SLC14A1: variants seen among roughly 807,000 people sequenced by gnomAD.
SLC14A1 encodes urea transporter 1.
SLC14A1 carries 36 observed loss-of-function variants against 39.6 expected under a neutral mutation model. The observed-to-expected ratio is 0.91, with a 90% CI of 0.70 to 1.20. The LOEUF (loss-of-function observed/expected upper bound fraction) is 1.20, where lower values mean the gene tolerates loss of function less well. Among genes scored for constraint, SLC14A1 ranks in the 50% most tolerant of loss-of-function variants. The probability of loss-of-function intolerance (pLI) is 0.00; values close to 1 mark genes in which losing one functional copy is unlikely to be tolerated. For missense variants in SLC14A1, 469 were observed against 478.7 expected (o/e 0.98, Z 0.19); for synonymous variants, 164 against 173.6 (o/e 0.94, Z 0.43).
rs574876570 is a variant in SLC14A1 at position 45,750,065 on chromosome 18, C to T, written c.*114C>T. Reference sequence around the variant, plus strand: ...TCACGAGTATCAACTTTCATACTGACGCGTCTGTAATCTGTTCTTATGCTC... The same window carrying T: ...TCACGAGTATCAACTTTCATACTGATGCGTCTGTAATCTGTTCTTATGCTC... On this transcript the variant is annotated 3_prime_UTR_variant, in exon 10 of 10. Transcript: ENST00000321925. 58 of 1,602,844 alleles carry T rather than the reference C, an allele frequency of 3.6e-5. No homozygotes were observed. Among genetic ancestry groups the T allele is most frequent in the Admixed American group, 1.2e-4 (7 of 59,312 alleles).
At chr18:45,725,863 C>A (rs2046850908) in intron 2 of SLC14A1, among the ~76,000 whole-genome samples, 2 of 152,044 alleles carry the variant, frequency 1.3e-5, no homozygotes, top group African/African-American at 2.4e-5. Flanking sequence ...TCTCTTGGTT[C>A]TAGGAAAATA....
At chr18:45,742,366 T>A (rs1456616329) in intron 8 of SLC14A1, among the ~76,000 whole-genome samples, 1 of 147,446 alleles carries the variant, frequency 6.8e-6, no homozygotes, top group Admixed American at 6.7e-5. Context: ...TTTTTTTTTT[T>A]TTTTTTGACA....
Position 45,731,052 on chromosome 18 carries a change from C to T in SLC14A1, c.189C>T (p.Leu63=). 1 of 1,614,184 alleles carries T rather than the reference C, an allele frequency of 6.2e-7. No individual in the cohort carries two copies. Among genetic ancestry groups the T allele is most frequent in the Non-Finnish European group, 8.5e-7 (1 of 1,180,024 alleles). ...PVVLQFIDWI[L]RGISQVVFVN... ...TGCTCCAGTTCATTGACTGGATTCT[C>T]CGGGGCATATCCCAAGTGGTGTTCG... Residue 63 remains leucine (L), a synonymous_variant, in exon 4 of 10, where the codon CTC becomes CTT. Transcript: ENST00000321925.
Position 45,731,010 on chromosome 18 carries a change from T to G in SLC14A1, c.152-5T>G. The G allele has an allele frequency of 6.2e-7, 1 of 1,614,126 alleles. No homozygotes were observed. The highest frequency in any genetic ancestry group is 8.5e-7 in the Non-Finnish European group (1 of 1,179,966). ...CTTAGCTCTGCTTTACCTCATCCCT[T>G]CCAGACAAACCCGTGGTGCTCCAGT... On this transcript the variant is annotated splice_polypyrimidine_tract_variant and splice_region_variant and intron_variant, in intron 3 of 9. Coordinates refer to ENST00000321925, the MANE Select transcript of SLC14A1 (RefSeq NM_015865.7).
intron 4 of SLC14A1, chr18:45,731,665 A>T: frequency 4.5e-6 from 1 of 222,898 alleles, no homozygotes; most frequent in Non-Finnish European, 9.0e-6. Context: ...CCTGGAGAAA[A>T]GAATAACCAT....
At chr18:45,743,069 A>AT (rs764246680) in intron 8 of SLC14A1, among the ~76,000 whole-genome samples, 70 of 152,220 alleles carry the variant, frequency 4.6e-4, no homozygotes, top group Non-Finnish European at 9.0e-4. Flanking sequence ...AATCTTTGAT[A>AT]TTTTCTCAAT....
rs1058396 is a variant in SLC14A1, at chr18:45,739,554, G to A, written c.838G>A (p.Asp280Asn). ...ACTCAGTCTTTCAGCCCCATTTGAG[G>A]ACATCTACTTTGGACTCTGGGGTTT... is the stretch of plus-strand genomic sequence containing the variant. Reference protein sequence around the residue: ...AGLSLSAPFEDIYFGLWGFNS... With the variant: ...AGLSLSAPFENIYFGLWGFNS... The change falls in exon 8 of 10, where the codon GAC (aspartate) becomes AAC (asparagine). Residue 280 changes from aspartate (D) to asparagine (N), a missense_variant. Transcript: ENST00000321925. 756,897 of 1,613,474 alleles carry A rather than the reference G, an allele frequency of 0.47. 180,070 individuals carry two copies. Among genetic ancestry groups the A allele is most frequent in the East Asian group, 0.54 (24,117 of 44,844 alleles).
intron 4 of SLC14A1, among the ~76,000 whole-genome samples, chr18:45,732,362 T>C (rs1057066463): frequency 6.6e-6 from 1 of 152,240 alleles, no homozygotes; most frequent in African/African-American, 2.4e-5. Flanking sequence ...AACTCAAGCA[T>C]TAACATCTCC....
rs1428174675 is a variant in SLC14A1, at chr18:45,750,501, A to G, written c.*550A>G. On this transcript the variant is annotated 3_prime_UTR_variant, in exon 10 of 10. Transcript: ENST00000321925. ...AGAGCTCAGTCCCCACTTCCTGCAAACAATGGCCTGCACCCTATCCCTTGT... is the reference window on the plus strand; with the variant it reads ...AGAGCTCAGTCCCCACTTCCTGCAAGCAATGGCCTGCACCCTATCCCTTGT... 1 of 1,022,296 alleles carries G rather than the reference A, an allele frequency of 9.8e-7. No homozygotes were observed. Among genetic ancestry groups the G allele is most frequent in the African/African-American group, 1.7e-5 (1 of 57,750 alleles). The allele number at this position is 1,022,296 out of a possible 1,614,324, so 63.3% of individuals were successfully genotyped here.
At chr18:45,741,446 C>T (rs185810606) in intron 8 of SLC14A1, among the ~76,000 whole-genome samples, 9 of 152,288 alleles carry the variant, frequency 5.9e-5, no homozygotes, top group Non-Finnish European at 1.3e-4. Context: ...GGTATCTAAA[C>T]AGTTATGAAA....
chr18:45,736,927 G>GT (rs2047215097), intron 6 of SLC14A1, among the ~76,000 whole-genome samples: 2 of 117,898 alleles, frequency 1.7e-5, no homozygotes, highest in African/African-American at 5.6e-5. Flanking sequence ...TCACTCTATC[G>GT]TAAGCTTGGG....
At chr18:45,741,488 T>C (rs1020084857) in intron 8 of SLC14A1, among the ~76,000 whole-genome samples, 2 of 152,334 alleles carry the variant, frequency 1.3e-5, no homozygotes, top group Middle Eastern at 3.4e-3. Flanking sequence ...GGGTTTAGAA[T>C]AGATTTCTGC....
chr18:45,734,522 G>A (rs1415955820), intron 5 of SLC14A1, 120 bp downstream of exon 5: 7 of 1,023,014 alleles, frequency 6.8e-6, no homozygotes, highest in Non-Finnish European at 1.1e-5. Flanking sequence ...TTCTCTGAAT[G>A]TATAGTGGTG....
chr18:45,736,425 T>C (rs759119180), intron 5 of SLC14A1, 31 bp from the exon 6 acceptor site: 10 of 1,610,330 alleles, frequency 6.2e-6, no homozygotes, highest in Non-Finnish European at 8.5e-6. Flanking sequence ...CTTTGTCACA[T>C]GCACATTCTT....
In SLC14A1 at chr18:45,739,650, G is replaced by A; in HGVS notation, c.934G>A (p.Ala312Thr). 6.2e-7 allele frequency: 1 copy of A among 1,614,168 alleles called. No individual in the cohort carries two copies. Among genetic ancestry groups the A allele is most frequent in the South Asian group, 1.1e-5 (1 of 91,084 alleles). The change falls in exon 8 of 10, where the codon GCT (alanine) becomes ACT (threonine). Residue 312 changes from alanine (A) to threonine (T), a missense_variant. Transcript: ENST00000321925. ...GCTCACCTGGCAAACCCACCTCCTGGCTCTTGGCTGTGGTGAGTCTCCCAC... is the reference window on the plus strand; with the variant it reads ...GCTCACCTGGCAAACCCACCTCCTGACTCTTGGCTGTGGTGAGTCTCCCAC... ...MALTWQTHLL[A>T]LGCALFTAYL... is the part of the protein sequence containing the mutation.
At chr18:45,732,235 C>G (rs757609901) in intron 4 of SLC14A1, among the ~76,000 whole-genome samples, 1 of 152,190 alleles carries the variant, frequency 6.6e-6, no homozygotes, top group Non-Finnish European at 1.5e-5. Flanking sequence ...TTTCCTTGGT[C>G]TGAAAAGACT....
At chr18:45,734,135 C>T (rs28994298) in intron 4 of SLC14A1, 139 bp from the exon 5 acceptor site, 55,220 of 1,097,074 alleles carry the variant, frequency 0.05, 1,627 homozygotes, top group Non-Finnish European at 0.06. Flanking sequence ...ACGATGCTTA[C>T]GTAGACTTTG....
chr18:45,749,427 A>G (rs2047648449), intron 9 of SLC14A1, among the ~76,000 whole-genome samples: 1 of 152,124 alleles, frequency 6.6e-6, no homozygotes, highest in Non-Finnish European at 1.5e-5. Context: ...CTAATCAGAG[A>G]AGGCCTTGTG....
chr18:45,751,435 T>G lies in SLC14A1; in HGVS notation c.*1484T>G. 1.0e-6 allele frequency: 1 copy of G among 984,902 alleles called. No homozygotes were observed. Among genetic ancestry groups the G allele is most frequent in the Non-Finnish European group, 1.2e-6 (1 of 829,848 alleles). The allele number at this position is 984,902 out of a possible 1,614,324, so 61.0% of individuals were successfully genotyped here. A position where few individuals can be genotyped will look rare whatever the true frequency, so the allele number is the denominator to read the frequency against. On this transcript the variant is annotated 3_prime_UTR_variant, in exon 10 of 10. Coordinates refer to ENST00000321925, the MANE Select transcript of SLC14A1 (RefSeq NM_015865.7). ...TCCCCTGTTTTCCTCTCTTTAATTTTAAAGTTATCAGTTCCGTAAAGTCTC... is the reference window on the plus strand; with the variant it reads ...TCCCCTGTTTTCCTCTCTTTAATTTGAAAGTTATCAGTTCCGTAAAGTCTC...
Sources: allele counts gnomAD v4.1 joint callset (sites outside exome capture counted in the v4.1 genomes callset), GRCh38; gene constraint gnomAD v4.1.1; transcripts MANE v1.5; gene names NCBI Gene and HGNC (gene_info 2026-07-23, HGNC 2026-07-21).